The following QKI variants were observed in gnomAD, a reference collection of about 807,000 sequenced individuals.
The protein encoded by QKI is KH domain-containing RNA-binding protein QKI.
Under a neutral mutation model 39.0 loss-of-function variants are expected in QKI, and 10 were observed. The observed-to-expected ratio is 0.26, with a 90% CI of 0.16 to 0.43. The LOEUF is 0.43. Among genes scored for constraint, QKI ranks in the 20% least tolerant of loss-of-function variants. The pLI is 1.00. For missense variants in QKI, 218 were observed against 428.0 expected (o/e 0.51, Z 4.33); for synonymous variants, 204 against 155.4 (o/e 1.31, Z -2.33).
chr6:163,514,590 A>G (rs1274203636), intron 3 of QKI, among the ~76,000 whole-genome samples: 2 of 152,170 alleles, frequency 1.3e-5, no homozygotes, highest in East Asian at 3.8e-4. Context: ...ACTGAGGGAT[A>G]AGCAGGTTGA....
At chr6:163,488,761 A>G (rs1455890240) in intron 3 of QKI, among the ~76,000 whole-genome samples, 2 of 152,100 alleles carry the variant, frequency 1.3e-5, no homozygotes, top group East Asian at 1.9e-4. Context: ...GGTTAGGTTC[A>G]TTTGTTGCAC....
At chr6:163,552,022 T>A (rs1782260662) in intron 4 of QKI, among the ~76,000 whole-genome samples, 1 of 152,186 alleles carries the variant, frequency 6.6e-6, no homozygotes, top group Non-Finnish European at 1.5e-5. Context: ...AATAACCTGC[T>A]GTTGACAGGA....
chr6:163,561,645 A>G (rs1345037944), intron 4 of QKI, among the ~76,000 whole-genome samples: 1 of 152,164 alleles, frequency 6.6e-6, no homozygotes, highest in Non-Finnish European at 1.5e-5. Flanking sequence ...TTTTAAAATG[A>G]TAGATGCTGA....
intron 4 of QKI, among the ~76,000 whole-genome samples, chr6:163,536,169 A>AT (rs1350726994): frequency 1.3e-5 from 2 of 151,740 alleles, no homozygotes; most frequent in African/African-American, 2.4e-5. Context: ...GGTAGATTTT[A>AT]TTTTTTTTAA....
In QKI at chr6:163,563,524, G is replaced by C. The variant is rs1458408480; in HGVS notation, c.739G>C (p.Ala247Pro). 6.2e-7 allele frequency: 1 copy of C among 1,614,094 alleles called. No individual in the cohort carries two copies. Among genetic ancestry groups the C allele is most frequent in the Admixed American group, 1.7e-5 (1 of 59,996 alleles). The change falls in exon 6 of 8, where the codon GCT becomes CCT. Residue 247 changes from alanine to proline, a missense_variant. By Grantham distance (27) the Ala-to-Pro change is conservative. Around this residue, in one of 3 missense-constraint regions of QKI, gnomAD observed 117 missense variants for 186.0 expected, o/e 0.63. Transcript: ENST00000361752. ...PPAALRTPTP[A>P]GPTIMPLIRQ... ...AGCTGCCCTGCGTACTCCTACGCCA[G>C]CTGGCCCTACCATAATGCCTTTGAT...
At chr6:163,445,424 A>G (rs544462493) in intron 1 of QKI, among the ~76,000 whole-genome samples, 8 of 151,632 alleles carry the variant, frequency 5.3e-5, no homozygotes, top group African/African-American at 9.7e-5. Context: ...GTTTCCTCCA[A>G]TCTGTGGCCA....
At chr6:163,550,883 C>T (rs1257704558) in intron 4 of QKI, among the ~76,000 whole-genome samples, 1 of 150,026 alleles carries the variant, frequency 6.7e-6, no homozygotes, top group Non-Finnish European at 1.5e-5. Flanking sequence ...GGAGGCGGAG[C>T]TTGCAGTGAG....
At chr6:163,486,960 A>G (rs1777722014) in intron 3 of QKI, among the ~76,000 whole-genome samples, 1 of 152,174 alleles carries the variant, frequency 6.6e-6, no homozygotes, top group Non-Finnish European at 1.5e-5. Flanking sequence ...ATTTCCTTGA[A>G]TTTTTGGGTG....
At chr6:163,457,730 G>A (rs1208822182) in intron 2 of QKI, among the ~76,000 whole-genome samples, 2 of 151,842 alleles carry the variant, frequency 1.3e-5, no homozygotes, top group Non-Finnish European at 2.9e-5. Context: ...GTTTCAGGAG[G>A]CCTGAAACAG....
chr6:163,486,452 G>A (rs946702986), intron 3 of QKI, among the ~76,000 whole-genome samples: 1 of 152,274 alleles, frequency 6.6e-6, no homozygotes, highest in Non-Finnish European at 1.5e-5. Context: ...GACATAGGTG[G>A]AATTCTTGAA....
chr6:163,481,379 A>G (rs1349029384), intron 3 of QKI, among the ~76,000 whole-genome samples: 5 of 152,324 alleles, frequency 3.3e-5, no homozygotes, highest in Admixed American at 6.5e-5. Flanking sequence ...CTACACTGGT[A>G]AACTCAGTGA....
At chr6:163,415,368 AC>A in intron 1 of QKI, 33 bp downstream of exon 1, 2 of 1,399,596 alleles carry the variant, frequency 1.4e-6, no homozygotes, top group Non-Finnish European at 1.9e-6. Flanking sequence ...CCCCGGCCCG[AC>A]CCCCGCCGGG....
chr6:163,540,343 A>C (rs987937190), intron 4 of QKI, among the ~76,000 whole-genome samples: 4 of 152,182 alleles, frequency 2.6e-5, no homozygotes, highest in Non-Finnish European at 5.9e-5. Context: ...AAGACTAATA[A>C]ATCTGATTAA....
At chr6:163,535,265 G>C in intron 4 of QKI, 140 bp downstream of exon 4, 1 of 832,226 alleles carries the variant, frequency 1.2e-6, no homozygotes, top group Non-Finnish European at 1.7e-6. Context: ...ACACCTGACT[G>C]ATACTTCTAA....
intron 3 of QKI, among the ~76,000 whole-genome samples, chr6:163,512,921 A>C (rs1046487221): frequency 2.0e-5 from 3 of 152,182 alleles, no homozygotes; most frequent in African/African-American, 7.2e-5. Context: ...AAAAATTAAT[A>C]AATAGAAAAT....
rs1185187783 is a variant in QKI, at chr6:163,414,912, T to TCCCGCCCG, written c.-275_-268dup. 2 of 145,406 alleles carry TCCCGCCCG rather than the reference T, an allele frequency of 1.4e-5. No homozygotes were observed. Among genetic ancestry groups the TCCCGCCCG allele is most frequent in the Middle Eastern group, 3.4e-3 (1 of 294 alleles). The allele number at this position is 145,406 out of a possible 1,614,324, so 9.0% of individuals were successfully genotyped here. A position where few individuals can be genotyped will look rare whatever the true frequency, so the allele number is the denominator to read the frequency against. On this transcript the variant is annotated 5_prime_UTR_variant, in exon 1 of 8. Coordinates refer to ENST00000361752, the MANE Select transcript of QKI (RefSeq NM_006775.3). ...CGCACTCGGCCAGCCGAGACCCGCC[T>TCCCGCCCG]CCCGCCCGCCCGCCGGCCTCGTGAG...
At chr6:163,457,059 T>C (rs1790975050) in intron 2 of QKI, among the ~76,000 whole-genome samples, 1 of 152,180 alleles carries the variant, frequency 6.6e-6, no homozygotes, top group Non-Finnish European at 1.5e-5. Context: ...AATTGTGATT[T>C]GGGCAGCTGT....
At chr6:163,454,925 T>C (rs908614509) in intron 1 of QKI, among the ~76,000 whole-genome samples, 8 of 152,220 alleles carry the variant, frequency 5.3e-5, no homozygotes, top group Non-Finnish European at 8.8e-5. Flanking sequence ...GGCATTCTTA[T>C]AGTTGTTTAC....
intron 1 of QKI, among the ~76,000 whole-genome samples, chr6:163,426,334 C>G (rs1788404193): frequency 6.8e-6 from 1 of 147,278 alleles, no homozygotes; most frequent in South Asian, 2.1e-4. Context: ...GAAGCTAGTT[C>G]TAAAGTAGGT....
Sources: gnomAD v4.1 joint callset for allele counts (sites outside exome capture counted in the v4.1 genomes callset) on GRCh38, gnomAD v4.1.1 for gene constraint, gnomAD v4.1.1 regional missense constraint, MANE v1.5 for transcripts, NCBI Gene and HGNC (gene_info 2026-07-23, HGNC 2026-07-21) for gene names.